The following MAPK6 variants were observed in gnomAD, a reference collection of about 807,000 sequenced individuals.
MAPK6 encodes ERK-3.
MAPK6 carries 19 observed loss-of-function variants against 59.3 expected under a neutral mutation model. The ratio of observed to expected loss-of-function variants is 0.32; its 90% CI spans 0.22 to 0.47. MAPK6 has a LOEUF of 0.47. MAPK6 is among the 20% of genes least tolerant of loss of function. The pLI is 1.00. For missense variants in MAPK6, 724 were observed against 847.9 expected (o/e 0.85, Z 1.81); for synonymous variants, 316 against 290.3 (o/e 1.09, Z -0.90).
intron 1 of MAPK6, among the ~76,000 whole-genome samples, chr15:52,027,337 G>T (rs969801212): frequency 9.2e-5 from 4 of 43,306 alleles, no homozygotes; most frequent in African/African-American, 2.6e-4. Context: ...GTGACAGAGC[G>T]AGACTCCCTC....
chr15:51,980,277 A>G (rs2057169238), intron 1 of MAPK6, among the ~76,000 whole-genome samples: 2 of 150,886 alleles, frequency 1.3e-5, no homozygotes, highest in African/African-American at 4.9e-5. Context: ...CCTGGGTGAC[A>G]AGAACAAAAC....
chr15:51,984,273 A>C (rs889671426), intron 2 of MAPK6, among the ~76,000 whole-genome samples: 2 of 151,870 alleles, frequency 1.3e-5, no homozygotes, highest in Admixed American at 6.6e-5. Flanking sequence ...GATGTTTTCT[A>C]TGTTTTCAGA....
intron 3 of MAPK6, among the ~76,000 whole-genome samples, chr15:52,013,001 AAAAAAAAAAAAAAAAAAAAATATATAT>A (rs1273997720): frequency 1.7e-3 from 47 of 27,032 alleles, no homozygotes; most frequent in East Asian, 4.0e-3. Context: ...AAAAAAAAAA[AAAAAAAAAAAAAAAAAAAAATATATAT>A]ATATATATAT....
upstream of MAPK6, among the ~76,000 whole-genome samples, chr15:52,016,067 C>T (rs1382525542): frequency 1.1e-5 from 1 of 92,868 alleles, no homozygotes; most frequent in Non-Finnish European, 2.2e-5. Flanking sequence ...CGCGCGCGCG[C>T]GCGCACACAC....
At chr15:52,057,453 G>A (rs892670883) in intron 3 of MAPK6, among the ~76,000 whole-genome samples, 2 of 152,106 alleles carry the variant, frequency 1.3e-5, no homozygotes, top group South Asian at 4.2e-4. Context: ...TGTCTTCTGG[G>A]CTTCTCTCCA....
rs1470074858 is a variant in MAPK6 at position 52,067,104 on chromosome 15, G to C, written c.*2104G>C. 6.6e-6 allele frequency: 1 copy of C among 152,146 alleles called. No individual in the cohort carries two copies. The highest frequency in any genetic ancestry group is 1.5e-5 in the Non-Finnish European group (1 of 68,026). The allele number at this position is 152,146 out of a possible 1,614,324, so 9.4% of individuals were successfully genotyped here. A position where few individuals can be genotyped will look rare whatever the true frequency, so the allele number is the denominator to read the frequency against. ...GAATAATTAGCTTTGACTCTAAAAT[G>C]CTGTCTTCCCTGAAGGAGACCTAGG... On this transcript the variant is annotated 3_prime_UTR_variant, in exon 6 of 6. Transcript: ENST00000261845.
intron 1 of MAPK6, among the ~76,000 whole-genome samples, chr15:52,024,192 C>T (rs76034856): frequency 0.011 from 1,705 of 152,196 alleles, 21 homozygotes; most frequent in Non-Finnish European, 0.02. Flanking sequence ...TTGGAGGGGT[C>T]ATGGGCATTA....
chr15:52,046,295 A>G lies in MAPK6; in HGVS notation c.-166A>G, dbSNP rs1433523039. The G allele has an allele frequency of 5.1e-6, 3 of 587,414 alleles. No individual in the cohort carries two copies. Among genetic ancestry groups the G allele is most frequent in the Non-Finnish European group, 8.9e-6 (3 of 335,234 alleles). The allele number at this position is 587,414 out of a possible 1,614,324, so 36.4% of individuals were successfully genotyped here. On this transcript the variant is annotated 5_prime_UTR_variant, in exon 2 of 6. Coordinates refer to ENST00000261845, the MANE Select transcript of MAPK6 (RefSeq NM_002748.4). Reference sequence around the variant, plus strand: ...GAGCTTTAAATCTAAGGGGAACTCGACAGGCCTGTTTGGCATATGCAATGA... The same window carrying G: ...GAGCTTTAAATCTAAGGGGAACTCGGCAGGCCTGTTTGGCATATGCAATGA...
At chr15:52,005,902 CTG>C (rs1287921129) in intron 3 of MAPK6, among the ~76,000 whole-genome samples, 1 of 152,148 alleles carries the variant, frequency 6.6e-6, no homozygotes, top group Non-Finnish European at 1.5e-5. Context: ...TTACTTAAAA[CTG>C]TGATAGACTG....
rs781736100 is a variant in MAPK6, at chr15:52,064,578, C to A, written c.1744C>A (p.Leu582Met). ...AAAACAGGAAAAAGGAATGGCAAAT[C>A]TGGCTCAATTAGAAGCCTTGTACCA... ...QEKQEKGMANLAQLEALYQSS... is the reference protein window; with the variant it reads ...QEKQEKGMANMAQLEALYQSS... Residue 582 changes from leucine (L) to methionine (M), a missense_variant, in exon 6 of 6, where the codon CTG (leucine) becomes ATG (methionine). Around this residue, in one of 4 missense-constraint regions of MAPK6, gnomAD observed 502 missense variants for 507.6 expected, o/e 0.99. Transcript: ENST00000261845. The A allele has an allele frequency of 4.3e-6, 7 of 1,611,652 alleles. No individual in the cohort carries two copies. Among genetic ancestry groups the A allele is most frequent in the Non-Finnish European group, 5.9e-6 (7 of 1,179,754 alleles).
chr15:52,004,925 G>A (rs1020779451), intron 3 of MAPK6, among the ~76,000 whole-genome samples: 1 of 152,180 alleles, frequency 6.6e-6, no homozygotes, highest in Non-Finnish European at 1.5e-5. Flanking sequence ...GAGGCTGAGC[G>A]TGGAAGGGAC....
chr15:52,037,327 T>A (rs1201906384), intron 1 of MAPK6, among the ~76,000 whole-genome samples: 1 of 152,198 alleles, frequency 6.6e-6, no homozygotes, highest in Non-Finnish European at 1.5e-5. Context: ...TGTGACCTTC[T>A]TCAGACCCTC....
intron 1 of MAPK6, among the ~76,000 whole-genome samples, chr15:52,026,917 G>C (rs1173403737): frequency 6.6e-6 from 1 of 151,592 alleles, no homozygotes; most frequent in Non-Finnish European, 1.5e-5. Context: ...GAGTATGGTG[G>C]TGCATACCTG....
rs531243272 is a variant in MAPK6 at position 52,048,656 on chromosome 15, C to T, written c.556-1337C>T. ...GAAAATGAGTTCTAGGCTGGAAGCG[C>T]GGTGGCCCCTGCCTGTAATCTCAGC... On this transcript the variant is annotated intron_variant, in intron 2 of 5. Coordinates refer to ENST00000261845, the MANE Select transcript of MAPK6 (RefSeq NM_002748.4). Among the ~76,000 whole-genome samples, 130 of 152,170 alleles carry T rather than the reference C, an allele frequency of 8.5e-4. 1 individual carries two copies. The highest frequency in any genetic ancestry group is 2.4e-3 in the African/African-American group (101 of 41,536).
At chr15:52,005,816 G>A (rs183216059) in intron 3 of MAPK6, among the ~76,000 whole-genome samples, 3 of 152,240 alleles carry the variant, frequency 2.0e-5, no homozygotes, top group East Asian at 1.9e-4. Context: ...GCTGACTACC[G>A]TTGGTGCCAA....
chr15:51,973,268 C>T (rs1185167249), intron 1 of MAPK6, among the ~76,000 whole-genome samples: 1 of 151,928 alleles, frequency 6.6e-6, no homozygotes, highest in African/African-American at 2.4e-5. Flanking sequence ...ATCTGGAATA[C>T]TGGAAAAACA....
At chr15:52,016,052 T>TCGCGCGCGCG (rs376275284), upstream of MAPK6, among the ~76,000 whole-genome samples, 72 of 68,616 alleles carry the variant, frequency 1.0e-3, 2 homozygotes, top group African/African-American at 2.3e-3. Flanking sequence ...CCAAACTCCA[T>TCGCGCGCGCG]CGCGCGCGCG....
At chr15:51,995,289 AT>A (rs1163099376) in intron 2 of MAPK6, among the ~76,000 whole-genome samples, 1 of 152,196 alleles carries the variant, frequency 6.6e-6, no homozygotes, top group Non-Finnish European at 1.5e-5. Flanking sequence ...AGACTTCCAA[AT>A]TATACCTTGA....
At chr15:51,983,983 C>G (rs1016783701) in intron 2 of MAPK6, among the ~76,000 whole-genome samples, 9 of 145,398 alleles carry the variant, frequency 6.2e-5, no homozygotes, top group Admixed American at 5.5e-4. Flanking sequence ...AAGATACTGT[C>G]TCATTAAAAA....
Sources: allele counts gnomAD v4.1 joint callset (sites outside exome capture counted in the v4.1 genomes callset), GRCh38; gene constraint gnomAD v4.1.1; regional missense constraint gnomAD v4.1.1; transcripts MANE v1.5; gene names NCBI Gene and HGNC (gene_info 2026-07-23, HGNC 2026-07-21).